TXLNB: variants seen among roughly 807,000 people sequenced by gnomAD.
TXLNB encodes the protein beta-taxilin.
TXLNB carries 37 observed loss-of-function variants against 57.4 expected under a neutral mutation model. That is an observed-to-expected ratio of 0.64 (90% CI 0.50 to 0.85). The LOEUF is 0.85. Ranked by LOEUF, TXLNB falls within the 40% of genes least tolerant of loss-of-function variation. TXLNB has a pLI of 0.00. For synonymous variants in TXLNB, 302 were observed against 309.6 expected (o/e 0.98, Z 0.26); for missense variants, 848 against 825.6 (o/e 1.03, Z -0.33).
the TXLNB span, among the ~76,000 whole-genome samples, chr6:139,310,641 T>G: frequency 6.6e-6 from 1 of 152,356 alleles, no homozygotes; most frequent in East Asian, 1.9e-4. Flanking sequence ...ATATATCTTT[T>G]GAGTAAATTT....
the TXLNB span, among the ~76,000 whole-genome samples, chr6:139,304,898 C>T: frequency 1.3e-5 from 2 of 152,152 alleles, no homozygotes; most frequent in African/African-American, 4.8e-5. Flanking sequence ...GGAGAAGATA[C>T]CACCTCATTC....
downstream of TXLNB, among the ~76,000 whole-genome samples, chr6:139,238,078 T>C (rs1207718820): frequency 6.6e-6 from 1 of 152,164 alleles, no homozygotes; most frequent in African/African-American, 2.4e-5. Flanking sequence ...TCAGGAAAGA[T>C]AATACTAAGT....
the TXLNB span, among the ~76,000 whole-genome samples, chr6:139,210,566 A>C: frequency 6.6e-6 from 1 of 152,186 alleles, no homozygotes; most frequent in Non-Finnish European, 1.5e-5. Context: ...GACGCAGAAG[A>C]TGGGTGATTT....
In TXLNB at chr6:139,242,715, G is replaced by A; in HGVS notation, c.1866C>T (p.Ser622=). 2 of 1,612,630 alleles carry A rather than the reference G, an allele frequency of 1.2e-6. No homozygotes were observed. The highest frequency in any genetic ancestry group is 8.5e-7 in the Non-Finnish European group (1 of 1,179,556). ...GCACATCTGCCTCCATCTTCTGTAGGGAGGCCTCGGTGGGAGCCTGTGGGG... is the reference window on the plus strand; with the variant it reads ...GCACATCTGCCTCCATCTTCTGTAGAGAGGCCTCGGTGGGAGCCTGTGGGG... ...GQAPQAPTEA[S]LQKMEADVPA... is the part of the protein sequence containing the mutation. The change falls in exon 10 of 10, where the codon TCC becomes TCT. Residue 622 remains serine (S), a synonymous_variant. Coordinates refer to ENST00000358430, the MANE Select transcript of TXLNB (RefSeq NM_153235.4).
At chr6:139,227,169 T>A in the TXLNB span, among the ~76,000 whole-genome samples, 2 of 151,748 alleles carry the variant, frequency 1.3e-5, no homozygotes, top group African/African-American at 4.8e-5. Flanking sequence ...CAAAACCCTG[T>A]CTCTACTAAA....
At chr6:139,167,526 T>A in the TXLNB span, among the ~76,000 whole-genome samples, 1 of 152,312 alleles carries the variant, frequency 6.6e-6, no homozygotes, top group South Asian at 2.1e-4. Context: ...AGTACAGTTG[T>A]CCTAGCGGAT....
At chr6:139,213,702 A>G in the TXLNB span, among the ~76,000 whole-genome samples, 1 of 152,232 alleles carries the variant, frequency 6.6e-6, no homozygotes. Context: ...GGTTTTTTGA[A>G]AAGATCAACA....
At chr6:139,163,808 C>G in the TXLNB span, among the ~76,000 whole-genome samples, 1 of 152,154 alleles carries the variant, frequency 6.6e-6, no homozygotes, top group Non-Finnish European at 1.5e-5. Flanking sequence ...CTGCCCACTC[C>G]TCCCGTTTTT....
the TXLNB span, among the ~76,000 whole-genome samples, chr6:139,182,407 G>C: frequency 1.3e-5 from 2 of 152,000 alleles, no homozygotes; most frequent in African/African-American, 4.8e-5. Context: ...GCAGAAAAAA[G>C]AAGTTAAATG....
the TXLNB span, among the ~76,000 whole-genome samples, chr6:139,165,873 A>G: frequency 6.6e-6 from 1 of 152,168 alleles, no homozygotes; most frequent in Non-Finnish European, 1.5e-5. Context: ...CTGTCCTGGT[A>G]GCTTTGGAAG....
chr6:139,264,155 T>C (rs1776554516), intron 4 of TXLNB, among the ~76,000 whole-genome samples: 1 of 152,214 alleles, frequency 6.6e-6, no homozygotes, highest in South Asian at 2.1e-4. Context: ...ACTGAAGAAA[T>C]AAACTATCCG....
At position 139,242,842 on chromosome 6, in the gene TXLNB, G is replaced by T. The variant is rs1449046667; in HGVS notation, c.1739C>A (p.Ser580Tyr). Residue 580 changes from serine to tyrosine, a missense_variant, in exon 10 of 10, where the codon TCT becomes TAT. By Grantham distance (144) the Ser-to-Tyr change is moderately radical. Coordinates refer to ENST00000358430, the MANE Select transcript of TXLNB (RefSeq NM_153235.4). ...DAEPPSKASN[S>Y]PAGLGAETQC... ...GGTTTCTGCTCCCAACCCGGCAGGA[G>T]AATTACTGGCCTTGGAGGGAGGTTC... 8 of 1,614,062 alleles carry T rather than the reference G, an allele frequency of 5.0e-6. No homozygotes were observed. The African/African-American group carries it at 9.3e-5, about 19-fold the overall frequency.
At chr6:139,227,237 G>C in the TXLNB span, among the ~76,000 whole-genome samples, 1 of 152,068 alleles carries the variant, frequency 6.6e-6, no homozygotes, top group Non-Finnish European at 1.5e-5. Context: ...TACTCAGGAG[G>C]CTGAGGCATG....
At chr6:139,223,611 C>T in the TXLNB span, among the ~76,000 whole-genome samples, 10 of 151,740 alleles carry the variant, frequency 6.6e-5, no homozygotes, top group Non-Finnish European at 1.5e-4. Flanking sequence ...AAAAAACAAA[C>T]AACCCCATCA....
In TXLNB at chr6:139,240,368, T is replaced by A. The variant is rs1290320394; in HGVS notation, c.*2158A>T. On this transcript the variant is annotated 3_prime_UTR_variant, in exon 10 of 10. Transcript: ENST00000358430. ...TCCATCTGAAACTCTGTCCAAGATA[T>A]ACATGGCTGTGAGTAATGTGTTTCT... is the stretch of plus-strand genomic sequence containing the variant. The A allele has an allele frequency of 1.3e-5, 2 of 152,694 alleles. No individual in the cohort carries two copies. Among genetic ancestry groups the A allele is most frequent in the Non-Finnish European group, 2.9e-5 (2 of 68,052 alleles). 9.5% of individuals were successfully genotyped at this position (152,694 alleles called of 1,614,324 possible).
chr6:139,270,335 G>T, intron 4 of TXLNB, 121 bp downstream of exon 4: 1 of 909,562 alleles, frequency 1.1e-6, no homozygotes, highest in Non-Finnish European at 1.7e-6. Context: ...GCAAGGGGCA[G>T]AGGCAGTATT....
the TXLNB span, among the ~76,000 whole-genome samples, chr6:139,307,627 T>G: frequency 6.6e-6 from 1 of 152,368 alleles, no homozygotes; most frequent in Non-Finnish European, 1.5e-5. Flanking sequence ...TTTTCCAAAT[T>G]ATAGTTTTCT....
chr6:139,277,250 A>T (rs1264249143), intron 2 of TXLNB: 1 of 192,066 alleles, frequency 5.2e-6, no homozygotes, highest in Non-Finnish European at 1.1e-5. Context: ...GATTTTATAC[A>T]TCAAAAATAC....
chr6:139,251,976 C>G (rs1347405314), intron 7 of TXLNB, among the ~76,000 whole-genome samples: 1 of 152,254 alleles, frequency 6.6e-6, no homozygotes, highest in Non-Finnish European at 1.5e-5. Context: ...GCGTCCACAT[C>G]AGATATTGCT....
Sources: gnomAD v4.1 joint callset for allele counts (sites outside exome capture counted in the v4.1 genomes callset) on GRCh38, gnomAD v4.1.1 for gene constraint, MANE v1.5 for transcripts, NCBI Gene and HGNC (gene_info 2026-07-23, HGNC 2026-07-21) for gene names.